DPP6: variants seen among roughly 807,000 people sequenced by gnomAD.
DPP6 encodes A-type potassium channel modulatory protein DPP6.
DPP6 carries 69 observed loss-of-function variants against 122.6 expected under a neutral mutation model. The ratio of observed to expected loss-of-function variants is 0.56; its 90% CI spans 0.46 to 0.69. The LOEUF (loss-of-function observed/expected upper bound fraction) is 0.69, where lower values mean the gene tolerates loss of function less well. Ranked by LOEUF, DPP6 falls within the 30% of genes least tolerant of loss-of-function variation. The probability of loss-of-function intolerance (pLI) is 0.00; values close to 1 mark genes in which losing one functional copy is unlikely to be tolerated. For synonymous variants in DPP6, 418 were observed against 433.1 expected (o/e 0.97, Z 0.43); for missense variants, 928 against 1,116.9 (o/e 0.83, Z 2.41).
At chr7:154,876,845 T>C (rs549636385) in intron 20 of DPP6, 3 of 152,350 alleles carry the variant, frequency 2.0e-5, no homozygotes, top group South Asian at 4.1e-4. Flanking sequence ...TTACTCTAAC[T>C]TCACCCCTTA....
chr7:154,059,712 GGC>G (rs1190684441), intron 1 of DPP6, among the ~76,000 whole-genome samples: 3 of 150,856 alleles, frequency 2.0e-5, no homozygotes, highest in African/African-American at 7.4e-5. Flanking sequence ...CCAGCCCTGG[GGC>G]TACCCGATCT....
intron 16 of DPP6, among the ~76,000 whole-genome samples, chr7:154,841,299 C>A (rs1471266375): frequency 8.0e-6 from 1 of 125,158 alleles, no homozygotes; most frequent in African/African-American, 2.7e-5. Flanking sequence ...GCCCACCCCT[C>A]CAAGCAGGCT....
chr7:154,015,928 C>T (rs116069810), intron 1 of DPP6, among the ~76,000 whole-genome samples: 2,187 of 152,244 alleles, frequency 0.014, 59 homozygotes, highest in African/African-American at 0.051. Context: ...CAGACCGAAG[C>T]TCCTTACTGA....
chr7:154,597,267 T>C (rs1384761650), intron 5 of DPP6, among the ~76,000 whole-genome samples: 1 of 151,376 alleles, frequency 6.6e-6, no homozygotes, highest in Non-Finnish European at 1.5e-5. Context: ...GGAAGCACAA[T>C]TGTGGGTTGG....
At position 154,313,715 on chromosome 7, in the gene DPP6, A is replaced by ATATATATATATATG. The variant is rs1563460487; in HGVS notation, c.244-132499_244-132498insTATATATATATATG. Among the ~76,000 whole-genome samples, 17 of 35,796 alleles carry ATATATATATATATG rather than the reference A, an allele frequency of 4.7e-4. 3 individuals carry two copies. The highest frequency in any genetic ancestry group is 6.5e-4 in the Non-Finnish European group (12 of 18,430). 23.5% of individuals were successfully genotyped at this position (35,796 alleles called of 152,430 possible). ...TATATATATATATATATATATATAT[A>ATATATATATATATG]CACACACACGCACGCACACACACAC... is the stretch of plus-strand genomic sequence containing the variant. On this transcript the variant is annotated intron_variant, in intron 1 of 25. Transcript: ENST00000377770.
the DPP6 span, among the ~76,000 whole-genome samples, chr7:153,865,400 ACCATAATCTTGG>A: frequency 2.0e-5 from 3 of 152,128 alleles, no homozygotes; most frequent in Admixed American, 1.3e-4. Context: ...TTGGCAGGAG[ACCATAATCTTGG>A]CTTTCAGAAT....
At chr7:154,733,019 C>T (rs1473426763) in intron 8 of DPP6, among the ~76,000 whole-genome samples, 1 of 152,186 alleles carries the variant, frequency 6.6e-6, no homozygotes, top group East Asian at 1.9e-4. Flanking sequence ...TTTCTGCAGC[C>T]CTGCCCTGAC....
chr7:153,866,829 A>C, the DPP6 span, among the ~76,000 whole-genome samples: 1 of 152,076 alleles, frequency 6.6e-6, no homozygotes, highest in Admixed American at 6.5e-5. Flanking sequence ...TTTTTGTATA[A>C]GGTGTAAGGA....
intron 1 of DPP6, among the ~76,000 whole-genome samples, chr7:154,109,672 A>AT (rs34362603): frequency 6.1e-4 from 91 of 150,154 alleles, no homozygotes; most frequent in East Asian, 1.2e-3. Context: ...TGATGTGTGC[A>AT]TTTTTTTTTC....
chr7:154,280,132 A>G (rs1228859476), intron 1 of DPP6, among the ~76,000 whole-genome samples: 1 of 152,224 alleles, frequency 6.6e-6, no homozygotes, highest in East Asian at 1.9e-4. Context: ...GAAATTCATG[A>G]AAGTGTAACT....
chr7:154,050,693 T>G (rs1800255314), upstream of DPP6, among the ~76,000 whole-genome samples: 1 of 151,488 alleles, frequency 6.6e-6, no homozygotes, highest in African/African-American at 2.4e-5. Flanking sequence ...ATGGAGCAGC[T>G]GAAGCTCTCC....
At chr7:154,604,472 T>C (rs937161946) in intron 5 of DPP6, among the ~76,000 whole-genome samples, 1 of 120,656 alleles carries the variant, frequency 8.3e-6, no homozygotes, top group African/African-American at 2.6e-5. Context: ...GAAATGATAT[T>C]GAATTGAGAT....
intron 1 of DPP6, among the ~76,000 whole-genome samples, chr7:154,416,197 G>A (rs1291416357): frequency 1.3e-5 from 2 of 152,040 alleles, no homozygotes; most frequent in African/African-American, 4.8e-5. Context: ...AGCATCTCAG[G>A]CTGTGTACAC....
At chr7:154,700,892 C>T (rs1408545085) in intron 7 of DPP6, among the ~76,000 whole-genome samples, 1 of 152,202 alleles carries the variant, frequency 6.6e-6, no homozygotes, top group Non-Finnish European at 1.5e-5. Flanking sequence ...CCTCATCTGT[C>T]CAGGTAAATG....
At chr7:154,079,163 C>T (rs1803804989) in intron 1 of DPP6, among the ~76,000 whole-genome samples, 1 of 152,094 alleles carries the variant, frequency 6.6e-6, no homozygotes, top group Admixed American at 6.5e-5. Flanking sequence ...CCACTGTACT[C>T]CATCCTGGGG....
chr7:153,873,287 GC>G, the DPP6 span, among the ~76,000 whole-genome samples: 2 of 152,176 alleles, frequency 1.3e-5, no homozygotes, highest in African/African-American at 4.8e-5. Context: ...CTCTCATTAA[GC>G]CCCACCTCCA....
upstream of DPP6, among the ~76,000 whole-genome samples, chr7:154,051,407 G>A (rs62485598): frequency 0.31 from 46,945 of 149,108 alleles, 7,824 homozygotes; most frequent in Middle Eastern, 0.42. Context: ...CCAGAAGGAC[G>A]GAGAGGAGTG....
At chr7:153,932,094 C>A (rs1236213346) in intron 1 of DPP6, among the ~76,000 whole-genome samples, 4 of 149,364 alleles carry the variant, frequency 2.7e-5, no homozygotes, top group Non-Finnish European at 5.9e-5. Flanking sequence ...TTATTGTTTG[C>A]TACTTGGCTT....
intron 22 of DPP6, 40 bp from the exon 23 acceptor site, chr7:154,887,636 C>T (rs1451945469): frequency 8.7e-6 from 14 of 1,611,146 alleles, no homozygotes; most frequent in Middle Eastern, 1.6e-4. Flanking sequence ...CACAGGGCCT[C>T]GAAGCCAGAG....
Sources: gnomAD v4.1 joint callset for allele counts (sites outside exome capture counted in the v4.1 genomes callset) on GRCh38, gnomAD v4.1.1 for gene constraint, MANE v1.5 for transcripts, NCBI Gene and HGNC (gene_info 2026-07-23, HGNC 2026-07-21) for gene names.